The following SLC35F4 variants were observed in gnomAD, a reference collection of about 807,000 sequenced individuals.
SLC35F4 encodes the protein solute carrier family 35 member F4, also known as chromosome 14 open reading frame 36.
A neutral mutation model predicts 44.2 loss-of-function variants in SLC35F4; 24 were observed. The ratio of observed to expected loss-of-function variants is 0.54; its 90% CI spans 0.39 to 0.76. The LOEUF (loss-of-function observed/expected upper bound fraction) is 0.76, where lower values mean the gene tolerates loss of function less well. SLC35F4 is among the 30% of genes least tolerant of loss of function. The probability of loss-of-function intolerance (pLI) is 0.00; values close to 1 mark genes in which losing one functional copy is unlikely to be tolerated. For missense variants in SLC35F4, 562 were observed against 586.1 expected, an observed-to-expected ratio of 0.96 and a Z score of 0.42; for synonymous variants, 238 against 223.6, an observed-to-expected ratio of 1.06 and a Z score of -0.57.
At chr14:57,939,318 C>G (rs533069067) in intron 1 of SLC35F4, among the ~76,000 whole-genome samples, 1 of 152,166 alleles carries the variant, frequency 6.6e-6, no homozygotes, top group East Asian at 1.9e-4. Context: ...GACCTCAAAG[C>G]AGTCCCTAGA....
At chr14:57,910,824 G>A (rs542955759) in intron 1 of SLC35F4, among the ~76,000 whole-genome samples, 26 of 151,968 alleles carry the variant, frequency 1.7e-4, no homozygotes, top group African/African-American at 6.3e-4. Flanking sequence ...TAACTTGCTG[G>A]GATGTTTATT....
chr14:57,593,303 C>A (rs1191342132), intron 2 of SLC35F4, among the ~76,000 whole-genome samples: 1 of 152,178 alleles, frequency 6.6e-6, no homozygotes, highest in Non-Finnish European at 1.5e-5. Context: ...GTGGACCCAG[C>A]TGCATTTAAA....
intron 1 of SLC35F4, among the ~76,000 whole-genome samples, chr14:57,895,443 G>C (rs528243480): frequency 2.0e-5 from 3 of 152,196 alleles, no homozygotes; most frequent in South Asian, 4.2e-4. Context: ...ATGCTAAATT[G>C]AAGGAGGGGC....
chr14:57,722,644 C>T (rs1092038), intron 1 of SLC35F4, among the ~76,000 whole-genome samples: 71,481 of 151,946 alleles, frequency 0.47, 17,229 homozygotes, highest in Non-Finnish European at 0.53. Flanking sequence ...GGCATAGCTA[C>T]CATAATGGAC....
At chr14:57,729,415 T>C (rs767028493) in intron 1 of SLC35F4, among the ~76,000 whole-genome samples, 2 of 152,202 alleles carry the variant, frequency 1.3e-5, no homozygotes, top group Non-Finnish European at 2.9e-5. Flanking sequence ...GTATTGCTGT[T>C]AGCTATTCAG....
intron 1 of SLC35F4, among the ~76,000 whole-genome samples, chr14:57,783,298 A>G (rs2077673093): frequency 6.6e-6 from 1 of 152,172 alleles, no homozygotes; most frequent in Non-Finnish European, 1.5e-5. Flanking sequence ...CTGTCCACCA[A>G]GAGGCAGCAG....
chr14:57,622,497 T>G (rs535065401), intron 1 of SLC35F4, among the ~76,000 whole-genome samples: 5 of 148,554 alleles, frequency 3.4e-5, no homozygotes, highest in South Asian at 4.4e-4. Flanking sequence ...CCATAAAAAA[T>G]TATGAGTTCA....
Position 57,589,293 on chromosome 14 carries a change from G to T in SLC35F4, c.510C>A (p.Asn170Lys). The stretch of plus-strand genomic sequence containing the variant: ...AATAATAGACTGGGAAAAACATAAT[G>T]TTCCAGTTTGTTGAAAACCAAGTCA... Reference protein sequence around the residue: ...FFMTWFSTNWNIMFFPVYYSG... With the variant: ...FFMTWFSTNWKIMFFPVYYSG... Residue 170 changes from asparagine (N) to lysine (K), a missense_variant, in exon 3 of 8, where the codon AAC becomes AAA. Asn to Lys is a moderately conservative substitution (Grantham distance 94, BLOSUM62 0). Transcript: ENST00000556826. 1 of 1,613,974 alleles carries T rather than the reference G, an allele frequency of 6.2e-7. No individual in the cohort carries two copies. The highest frequency in any genetic ancestry group is 8.5e-7 in the Non-Finnish European group (1 of 1,179,868).
chr14:57,874,999 A>G (rs1041036356), intron 1 of SLC35F4, among the ~76,000 whole-genome samples: 44 of 152,100 alleles, frequency 2.9e-4, no homozygotes, highest in African/African-American at 1.0e-3. Flanking sequence ...TAAATAAATA[A>G]ATGATTTCAT....
intron 1 of SLC35F4, among the ~76,000 whole-genome samples, chr14:57,656,830 TCCC>T (rs1186664205): frequency 6.6e-6 from 1 of 152,072 alleles, no homozygotes; most frequent in African/African-American, 2.4e-5. Context: ...TCTAGTCAAT[TCCC>T]CCAACAAGAA....
rs1459650915 is a variant in SLC35F4 at position 57,571,909 on chromosome 14, T to G, written c.918A>C (p.Thr306=). 1 of 1,612,472 alleles carries G rather than the reference T, an allele frequency of 6.2e-7. No homozygotes were observed. The highest frequency in any genetic ancestry group is 1.7e-5 in the Admixed American group (1 of 59,864). ...GVAFAVGSAS[T]SALYKVLFKM... ...CACAACATACCTTATATAATGCAGATGTAGAGGCTGAGCCCACCGCAAATG... is the reference window on the plus strand; with the variant it reads ...CACAACATACCTTATATAATGCAGAGGTAGAGGCTGAGCCCACCGCAAATG... Residue 306 remains threonine, a synonymous_variant, in exon 5 of 8, where the codon ACA becomes ACC. Transcript: ENST00000556826.
intron 1 of SLC35F4, among the ~76,000 whole-genome samples, chr14:57,820,353 T>C (rs1392667367): frequency 6.6e-6 from 1 of 152,152 alleles, no homozygotes; most frequent in Admixed American, 6.6e-5. Flanking sequence ...AAAAGAGTTT[T>C]TAGGGCAGCA....
At chr14:57,568,924 G>A (rs1043303449) in intron 6 of SLC35F4, among the ~76,000 whole-genome samples, 3 of 152,104 alleles carry the variant, frequency 2.0e-5, no homozygotes, top group Admixed American at 6.6e-5. Context: ...GGTTGTTGCT[G>A]TTTTTTAACT....
chr14:57,572,699 T>G lies in SLC35F4; in HGVS notation c.808-680A>C, dbSNP rs74357679. ...GAAAGATAATTTCATTTAATTACTC[T>G]AGAGCATTAACTGCATAAAGTGAAA... On this transcript the variant is annotated intron_variant, in intron 4 of 7. Transcript: ENST00000556826. Among the ~76,000 whole-genome samples, 757 of 152,358 alleles carry G rather than the reference T, an allele frequency of 5.0e-3. 4 individuals are homozygous for G. Among genetic ancestry groups the G allele is most frequent in the Middle Eastern group, 0.017 (5 of 294 alleles).
At chr14:57,697,932 C>T (rs1044733286) in intron 1 of SLC35F4, among the ~76,000 whole-genome samples, 1 of 152,120 alleles carries the variant, frequency 6.6e-6, no homozygotes, top group African/African-American at 2.4e-5. Flanking sequence ...TAAATGAGTG[C>T]TTAAGACATG....
At chr14:57,729,942 C>G (rs1201129928) in intron 1 of SLC35F4, among the ~76,000 whole-genome samples, 1 of 152,208 alleles carries the variant, frequency 6.6e-6, no homozygotes, top group Non-Finnish European at 1.5e-5. Context: ...CCTTCATACA[C>G]AGGCACTGCC....
At chr14:57,897,481 G>A (rs1239521903) in intron 1 of SLC35F4, among the ~76,000 whole-genome samples, 1 of 151,658 alleles carries the variant, frequency 6.6e-6, no homozygotes, top group African/African-American at 2.4e-5. Flanking sequence ...AGAGAACAAA[G>A]CGACTGAACT....
chr14:57,927,300 T>C (rs1889596045), intron 1 of SLC35F4, among the ~76,000 whole-genome samples: 1 of 152,162 alleles, frequency 6.6e-6, no homozygotes, highest in South Asian at 2.1e-4. Flanking sequence ...CACATTTCCT[T>C]GCGTCTCAAA....
chr14:57,665,507 A>G (rs138935449), intron 1 of SLC35F4, among the ~76,000 whole-genome samples: 194 of 152,338 alleles, frequency 1.3e-3, no homozygotes, highest in African/African-American at 4.2e-3. Flanking sequence ...TCACCCAGAC[A>G]GGAAGTGGCA....
Sources: gnomAD v4.1 joint callset for allele counts (sites outside exome capture counted in the v4.1 genomes callset) on GRCh38, gnomAD v4.1.1 for gene constraint, MANE v1.5 for transcripts, NCBI Gene and HGNC (gene_info 2026-07-23, HGNC 2026-07-21) for gene names.